The following RGS5 variants were observed in gnomAD, a reference collection of about 807,000 sequenced individuals.
RGS5 encodes regulator of G protein signaling 5, also known as regulator of G-protein signalling 5.
In RGS5, 20 loss-of-function variants were observed where a neutral mutation model predicts 18.9. That is an observed-to-expected ratio of 1.06 (90% CI 0.74 to 1.54). RGS5 has a LOEUF of 1.54. Ranked by LOEUF, RGS5 falls within the 40% of genes most tolerant of loss-of-function variation. The pLI is 0.00. For synonymous variants in RGS5, 57 were observed against 76.2 expected, an observed-to-expected ratio of 0.75 and a Z score of 1.31; for missense variants, 201 against 211.8, an observed-to-expected ratio of 0.95 and a Z score of 0.32.
intron 1 of RGS5, among the ~76,000 whole-genome samples, chr1:163,171,338 C>A (rs1428675409): frequency 6.6e-6 from 1 of 152,152 alleles, no homozygotes. Context: ...CAGTATCCCA[C>A]CCAGTCCGTG....
rs1657146343 is a variant in RGS5, at chr1:163,146,809, A to G, written c.*533T>C. 1 of 152,228 alleles carries G rather than the reference A, an allele frequency of 6.6e-6. No individual in the cohort carries two copies. The highest frequency in any genetic ancestry group is 2.1e-4 in the South Asian group (1 of 4,826). The allele number at this position is 152,228 out of a possible 1,614,324, so 9.4% of individuals were successfully genotyped here. A position where few individuals can be genotyped will look rare whatever the true frequency, so the allele number is the denominator to read the frequency against. Reference sequence around the variant, plus strand: ...TCCAAGGGAAGGATCAATATTTTAAATAACATATTTGCTTAAAATATCATA... The same window carrying G: ...TCCAAGGGAAGGATCAATATTTTAAGTAACATATTTGCTTAAAATATCATA... On this transcript the variant is annotated 3_prime_UTR_variant, in exon 5 of 5. Coordinates refer to ENST00000313961, the MANE Select transcript of RGS5 (RefSeq NM_003617.4).
intron 2 of RGS5, among the ~76,000 whole-genome samples, chr1:163,242,874 C>T (rs1647825578): frequency 6.6e-6 from 1 of 152,158 alleles, no homozygotes; most frequent in Admixed American, 6.5e-5. Flanking sequence ...AAAGTTACTT[C>T]TGCAAAGCAG....
intron 2 of RGS5, chr1:163,300,384 A>G (rs953347062): frequency 1.3e-5 from 2 of 152,218 alleles, no homozygotes; most frequent in Non-Finnish European, 2.9e-5. Context: ...AATACGATTG[A>G]TCGTATTTCT....
intron 1 of RGS5, among the ~76,000 whole-genome samples, chr1:163,185,222 G>A (rs1280746156): frequency 1.3e-5 from 2 of 151,766 alleles, no homozygotes; most frequent in South Asian, 2.1e-4. Context: ...ACACACACAC[G>A]CAGAGGGGTG....
intron 2 of RGS5, among the ~76,000 whole-genome samples, chr1:163,223,973 T>G (rs1268391564): frequency 6.6e-6 from 1 of 152,224 alleles, no homozygotes; most frequent in Non-Finnish European, 1.5e-5. Flanking sequence ...TATAGTGTAA[T>G]GTTTTGGTAC....
chr1:163,147,613 T>G, intron 4 of RGS5, 110 bp from the exon 5 acceptor site: 1 of 1,044,704 alleles, frequency 9.6e-7, no homozygotes, highest in Non-Finnish European at 1.3e-6. Flanking sequence ...GGGAGGAAAG[T>G]CATTAAAAAC....
At chr1:163,274,434 A>G (rs946674116) in intron 2 of RGS5, among the ~76,000 whole-genome samples, 2 of 152,048 alleles carry the variant, frequency 1.3e-5, no homozygotes, top group Admixed American at 6.5e-5. Context: ...CTCCTGTGCT[A>G]GGATCCCTTT....
chr1:163,172,499 C>T (rs1291961817), intron 1 of RGS5: 8 of 1,527,676 alleles, frequency 5.2e-6, no homozygotes, highest in Non-Finnish European at 7.1e-6. Context: ...AATCAACTAT[C>T]ATTTATAACA....
chr1:163,226,797 T>C (rs1270290715), intron 2 of RGS5, among the ~76,000 whole-genome samples: 1 of 152,206 alleles, frequency 6.6e-6, no homozygotes, highest in African/African-American at 2.4e-5. Context: ...AAAAAAGGGT[T>C]TCAAGTAATT....
chr1:163,183,321 T>G (rs1236316329), intron 1 of RGS5, among the ~76,000 whole-genome samples: 1 of 152,236 alleles, frequency 6.6e-6, no homozygotes, highest in Non-Finnish European at 1.5e-5. Context: ...TTCAATTCAT[T>G]TATGTATTCA....
chr1:163,204,516 G>C (rs571539118), upstream of RGS5, among the ~76,000 whole-genome samples: 2 of 152,064 alleles, frequency 1.3e-5, no homozygotes, highest in South Asian at 2.1e-4. Flanking sequence ...TGCCTAGCTA[G>C]TTTTTAAATT....
chr1:163,279,720 A>G (rs1648943746), intron 2 of RGS5, among the ~76,000 whole-genome samples: 2 of 152,024 alleles, frequency 1.3e-5, no homozygotes, highest in Non-Finnish European at 2.9e-5. Flanking sequence ...GATAAATAAA[A>G]TGAAAAATTG....
intron 1 of RGS5, among the ~76,000 whole-genome samples, chr1:163,173,607 A>C (rs1203242336): frequency 6.6e-6 from 1 of 152,220 alleles, no homozygotes; most frequent in East Asian, 1.9e-4. Context: ...ATTATATTCC[A>C]CCAGAATGTG....
intron 2 of RGS5, among the ~76,000 whole-genome samples, chr1:163,256,859 A>G (rs1050117544): frequency 6.6e-6 from 1 of 152,190 alleles, no homozygotes; most frequent in Non-Finnish European, 1.5e-5. Context: ...CATAGTCACA[A>G]AATCACACCG....
intron 2 of RGS5, among the ~76,000 whole-genome samples, chr1:163,294,825 C>A (rs1222728951): frequency 6.6e-6 from 1 of 152,172 alleles, no homozygotes; most frequent in Non-Finnish European, 1.5e-5. Flanking sequence ...AAACGGGTCA[C>A]CTCTTGAATG....
intron 2 of RGS5, among the ~76,000 whole-genome samples, chr1:163,253,835 GT>G (rs1648188662): frequency 7.1e-6 from 1 of 141,372 alleles, no homozygotes; most frequent in South Asian, 2.2e-4. Flanking sequence ...AGACTGTGAT[GT>G]TCCCCTTCCT....
chr1:163,208,711 T>G (rs960844122), intron 1 of RGS5, among the ~76,000 whole-genome samples: 3 of 151,784 alleles, frequency 2.0e-5, no homozygotes, highest in Non-Finnish European at 2.9e-5. Flanking sequence ...CAAAATGTAT[T>G]GAATATAACA....
intron 2 of RGS5, among the ~76,000 whole-genome samples, chr1:163,233,677 G>A (rs1411076023): frequency 1.3e-5 from 2 of 152,178 alleles, no homozygotes; most frequent in South Asian, 4.1e-4. Context: ...ATAGGTGGTG[G>A]AGTTAGGAGC....
chr1:163,254,386 T>G (rs1648209280), intron 2 of RGS5, among the ~76,000 whole-genome samples: 1 of 152,330 alleles, frequency 6.6e-6, no homozygotes, highest in Admixed American at 6.5e-5. Flanking sequence ...TTGATTTGCA[T>G]TTCTCTGATG....
Sources: gnomAD v4.1 joint callset for allele counts (sites outside exome capture counted in the v4.1 genomes callset) on GRCh38, gnomAD v4.1.1 for gene constraint, MANE v1.5 for transcripts, NCBI Gene and HGNC (gene_info 2026-07-23, HGNC 2026-07-21) for gene names.